Variants in TENM1 observed in about 807,000 individuals in gnomAD.
TENM1 encodes the protein teneurin-1.
A neutral mutation model predicts 174.8 loss-of-function variants in TENM1; 35 were observed. The ratio of observed to expected loss-of-function variants is 0.20; its 90% confidence interval spans 0.15 to 0.27. The LOEUF (loss-of-function observed/expected upper bound fraction) is 0.27, where lower values mean the gene tolerates loss of function less well. Ranked by LOEUF, TENM1 falls within the 10% of genes least tolerant of loss-of-function variation. The pLI is 1.00. For synonymous variants in TENM1, 781 were observed against 798.7 expected, an observed-to-expected ratio of 0.98 and a Z score of 0.37; for missense variants, 1,633 against 2,130.1, an observed-to-expected ratio of 0.77 and a Z score of 4.59.
chrX:124,675,746 G>T (rs1174833872), intron 5 of TENM1, among the ~76,000 whole-genome samples: 1 of 108,976 alleles, frequency 9.2e-6, no homozygotes, highest in East Asian at 2.9e-4. Flanking sequence ...ACAACGTTAA[G>T]GGAACAAACC....
At chrX:124,526,728 A>G (rs1408411649) in intron 16 of TENM1, among the ~76,000 whole-genome samples, 1 of 112,227 alleles carries the variant, frequency 8.9e-6, no homozygotes. Context: ...CTATCTACAG[A>G]TGGAAGGCTA....
chrX:125,132,585 C>T, the TENM1 span, among the ~76,000 whole-genome samples: 3 of 111,621 alleles, frequency 2.7e-5, no homozygotes, highest in Non-Finnish European at 3.8e-5. Context: ...AAGCAGATAC[C>T]CTTTTTGAGT....
At chrX:125,155,175 T>C in the TENM1 span, among the ~76,000 whole-genome samples, 3 of 111,189 alleles carry the variant, frequency 2.7e-5, no homozygotes, top group Non-Finnish European at 5.7e-5. Context: ...CCCACCAGAT[T>C]AGCTAGATAC....
At chrX:124,702,792 A>G (rs2052805476) in intron 5 of TENM1, among the ~76,000 whole-genome samples, 1 of 111,259 alleles carries the variant, frequency 9.0e-6, no homozygotes, top group Admixed American at 9.6e-5. Context: ...CAGTTTCCCC[A>G]TTTATAAAAT....
intron 11 of TENM1, among the ~76,000 whole-genome samples, chrX:124,588,619 C>G (rs181792011): frequency 5.5e-5 from 6 of 109,948 alleles, no homozygotes; most frequent in African/African-American, 2.0e-4. Context: ...GTGCAGCACA[C>G]CAGCATGGCA....
chrX:124,470,639 A>C (rs2061289283), intron 22 of TENM1, among the ~76,000 whole-genome samples: 1 of 111,615 alleles, frequency 9.0e-6, no homozygotes, highest in African/African-American at 3.3e-5. Context: ...TTTTTTAAAA[A>C]AAATAAATGT....
At chrX:124,981,203 C>T in the TENM1 span, among the ~76,000 whole-genome samples, 1 of 111,457 alleles carries the variant, frequency 9.0e-6, no homozygotes, top group Non-Finnish European at 1.9e-5. Context: ...CAGATATTTG[C>T]CAAAGGTCAC....
intron 4 of TENM1, among the ~76,000 whole-genome samples, chrX:124,726,442 T>C (rs2053444145): frequency 8.9e-6 from 1 of 112,664 alleles, no homozygotes; most frequent in Non-Finnish European, 1.9e-5. Context: ...CTCTTTGATG[T>C]AAATTTAACA....
At chrX:124,966,476 C>CA (rs1424511250), upstream of TENM1, among the ~76,000 whole-genome samples, 4 of 110,023 alleles carry the variant, frequency 3.6e-5, no homozygotes, top group East Asian at 1.1e-3. Context: ...TCCTGGCTAA[C>CA]ACGGTGAAAC....
rs147992841 is a variant in TENM1 at position 124,841,524 on chromosome X, A to G, written c.535+52772T>C. On this transcript the variant is annotated intron_variant, in intron 3 of 31. Coordinates refer to ENST00000422452, the Ensembl canonical transcript of TENM1. ...CAATTGCTTCTGTACTATTCCTGGTAACCTGGGGTTTCTCAAAAGCTCTGC... is the reference window on the plus strand; with the variant it reads ...CAATTGCTTCTGTACTATTCCTGGTGACCTGGGGTTTCTCAAAAGCTCTGC... 9.8e-3 allele frequency among the ~76,000 whole-genome samples: 1,086 copies of G among 110,268 alleles called. 8 individuals are homozygous for G. The highest frequency in any genetic ancestry group is 0.034 in the African/African-American group (1,043 of 30,297).
the TENM1 span, among the ~76,000 whole-genome samples, chrX:125,129,271 C>A: frequency 1.3e-4 from 14 of 111,708 alleles, no homozygotes; most frequent in African/African-American, 4.2e-4. Flanking sequence ...GCTAAGACAG[C>A]GCTCATATCC....
the TENM1 span, among the ~76,000 whole-genome samples, chrX:125,113,038 C>T: frequency 1.1e-3 from 120 of 111,474 alleles, no homozygotes; most frequent in African/African-American, 3.8e-3. Flanking sequence ...GCATATACTA[C>T]ACATAGTCTA....
At chrX:124,767,519 T>C (rs913159162) in intron 3 of TENM1, among the ~76,000 whole-genome samples, 4 of 112,097 alleles carry the variant, frequency 3.6e-5, no homozygotes, top group African/African-American at 1.3e-4. Context: ...CAATTTTACA[T>C]GTGGTCATAA....
intron 3 of TENM1, among the ~76,000 whole-genome samples, chrX:124,835,412 C>T (rs2056372017): frequency 1.8e-5 from 2 of 111,607 alleles, no homozygotes; most frequent in South Asian, 7.4e-4. Context: ...GAAATGCTGC[C>T]CAGTGAGCAG....
chrX:124,531,713 G>A (rs773086085), intron 15 of TENM1, among the ~76,000 whole-genome samples: 5 of 111,853 alleles, frequency 4.5e-5, no homozygotes, highest in South Asian at 7.5e-4. Flanking sequence ...CACTTGCTTC[G>A]CCATGTTTGA....
intron 3 of TENM1, among the ~76,000 whole-genome samples, chrX:124,761,607 G>C (rs770990901): frequency 1.5e-4 from 16 of 108,965 alleles, no homozygotes; most frequent in Admixed American, 5.9e-4. Flanking sequence ...ACGAGTTAAT[G>C]CGTGCAGCAA....
the TENM1 span, among the ~76,000 whole-genome samples, chrX:124,989,955 C>T: frequency 0.028 from 3,112 of 111,436 alleles, 102 homozygotes; most frequent in African/African-American, 0.096. Flanking sequence ...GGCATCATCT[C>T]GTTACTTGAA....
chrX:124,858,499 T>C (rs945355235), intron 3 of TENM1, among the ~76,000 whole-genome samples: 2 of 111,902 alleles, frequency 1.8e-5, no homozygotes, highest in African/African-American at 6.5e-5. Context: ...TTGGCTGTCT[T>C]GACAACTGGG....
chrX:124,479,872 C>G (rs770531470), intron 22 of TENM1, among the ~76,000 whole-genome samples: 76 of 111,478 alleles, frequency 6.8e-4, no homozygotes, highest in Non-Finnish European at 1.3e-3. Flanking sequence ...ATGTTGCACC[C>G]GAGTTATTTA....
Sources: allele counts gnomAD v4.1 joint callset (sites outside exome capture counted in the v4.1 genomes callset), GRCh38; gene constraint gnomAD v4.1.1; transcripts MANE v1.5; gene names NCBI Gene and HGNC (gene_info 2026-07-23, HGNC 2026-07-21).